Variants in UPF3B observed in about 807,000 individuals in gnomAD.
UPF3B encodes UPF3B regulator of nonsense mediated mRNA decay, also known as regulator of nonsense transcripts 3B.
A neutral mutation model predicts 40.3 loss-of-function variants in UPF3B; 7 were observed. That is an observed-to-expected ratio of 0.17 (90% confidence interval 0.10 to 0.33). The LOEUF (loss-of-function observed/expected upper bound fraction) is 0.33. UPF3B is among the 10% of genes least tolerant of loss of function. The pLI is 1.00. For missense variants in UPF3B, 229 were observed against 358.9 expected (o/e 0.64, Z 2.93); for synonymous variants, 117 against 117.3 (o/e 1.00, Z 0.01).
Position 119,834,460 on chromosome X carries a change from T to G in UPF3B, c.*418A>C. The G allele has an allele frequency of 8.3e-6, 7 of 840,420 alleles. No individual in the cohort carries two copies. Among genetic ancestry groups the G allele is most frequent in the Non-Finnish European group, 1.0e-5 (7 of 694,228 alleles). 69.3% of individuals were successfully genotyped at this position (840,420 alleles called of 1,213,427 possible). A position where few individuals can be genotyped will look rare whatever the true frequency, so the allele number is the denominator to read the frequency against. ...CTTATCATCAACAATACAATAGAAT[T>G]AGATCGGAACAAGGCTTCAAAGCGA... On this transcript the variant is annotated 3_prime_UTR_variant, in exon 11 of 11. Transcript: ENST00000276201.
At chrX:119,824,281 A>G (rs910166358) in intron 3 of UPF3B, among the ~76,000 whole-genome samples, 6 of 98,040 alleles carry the variant, frequency 6.1e-5, no homozygotes, top group African/African-American at 2.3e-4. Context: ...GCCTCTTGCC[A>G]ATATTGAACC....
intron 5 of UPF3B, among the ~76,000 whole-genome samples, chrX:119,808,267 G>A (rs978861778): frequency 9.0e-6 from 1 of 111,320 alleles, no homozygotes; most frequent in African/African-American, 3.3e-5. Context: ...GAGGAAGGGA[G>A]CAAACTAGAA....
downstream of UPF3B, among the ~76,000 whole-genome samples, chrX:119,829,425 A>G (rs1291837281): frequency 8.0e-5 from 9 of 112,019 alleles, no homozygotes; most frequent in Non-Finnish European, 1.7e-4. Context: ...ACTTCTCTAA[A>G]AAGTTGTATA....
In UPF3B at chrX:119,838,402, A is replaced by G; in HGVS notation, c.972T>C (p.Arg324=). 1 of 1,211,974 alleles carries G rather than the reference A, an allele frequency of 8.3e-7. No individual in the cohort carries two copies. ...TTTCATCTTTAAGTTCGCTATCAGAACGCTTGGGCAATGTACAACTTTGCC... is the reference window on the plus strand; with the variant it reads ...TTTCATCTTTAAGTTCGCTATCAGAGCGCTTGGGCAATGTACAACTTTGCC... The part of the protein sequence containing the change: ...ASGQSCTLPK[R]SDSELKDEKP... The change falls in exon 9 of 11, where the codon CGT becomes CGC. Residue 324 remains arginine (R), a synonymous_variant. Transcript: ENST00000276201.
intron 3 of UPF3B, among the ~76,000 whole-genome samples, chrX:119,847,800 A>T (rs1001723571): frequency 9.1e-6 from 1 of 110,477 alleles, no homozygotes; most frequent in African/African-American, 3.3e-5. Context: ...AGAATTACCA[A>T]ATGACTCCAG....
rs760107919 is a variant in UPF3B at position 119,835,185 on chromosome X, T to C, written c.1303-158A>G. On this transcript the variant is annotated intron_variant, in intron 10 of 10. Transcript: ENST00000276201. ...TAAATGACAACTTGCCTACTTCCTC[T>C]CTCCATCTCCAAAGAAAAGCAACCA... 2.5e-4 allele frequency among the ~76,000 whole-genome samples: 28 copies of C among 112,206 alleles called. No homozygotes were observed. In the South Asian group the frequency reaches 9.2e-3, roughly 37 times the overall value.
rs2056064947 is a variant in UPF3B, at chrX:119,834,063, A to C, written c.*815T>G. ...GTTACTATTTATTGACATCAAAACG[A>C]AACAAGCTGAGACTAAAAGTTGCTA... On this transcript the variant is annotated 3_prime_UTR_variant, in exon 11 of 11. Coordinates refer to ENST00000276201, the MANE Select transcript of UPF3B (RefSeq NM_080632.3). 1 of 753,189 alleles carries C rather than the reference A, an allele frequency of 1.3e-6. No homozygotes were observed. The highest frequency in any genetic ancestry group is 8.8e-5 in the Admixed American group (1 of 11,352). 62.1% of individuals were successfully genotyped at this position (753,189 alleles called of 1,213,427 possible).
downstream of UPF3B, among the ~76,000 whole-genome samples, chrX:119,829,090 C>T (rs756379014): frequency 4.5e-5 from 5 of 111,549 alleles, no homozygotes; most frequent in Admixed American, 9.6e-5. Context: ...GGCACAATCT[C>T]GGCTTACTGC....
chrX:119,846,510 A>T (rs867891937), intron 3 of UPF3B, among the ~76,000 whole-genome samples: 2,807 of 106,021 alleles, frequency 0.026, 83 homozygotes, highest in African/African-American at 0.088. Context: ...CCTGGTAAAA[A>T]AAAAAAAAAA....
chrX:119,805,616 A>G (rs2055783911), intron 6 of UPF3B, among the ~76,000 whole-genome samples: 1 of 111,101 alleles, frequency 9.0e-6, no homozygotes. Flanking sequence ...TCCAGAATCT[A>G]CAATGACCTC....
rs1030159198 is a variant in UPF3B at position 119,807,532 on chromosome X, C to T, written c.653G>A (p.Arg218Gln). 9 of 858,598 alleles carry T rather than the reference C, an allele frequency of 1.0e-5. No homozygotes were observed. In the African/African-American group the frequency reaches 1.9e-4, roughly 18 times the overall value. 70.8% of individuals were successfully genotyped at this position (858,598 alleles called of 1,213,427 possible). A position where few individuals can be genotyped will look rare whatever the true frequency, so the allele number is the denominator to read the frequency against. Residue 218 changes from arginine to glutamine, a missense_variant, in exon 6 of 7, where the codon CGA (arginine) becomes CAA (glutamine). Arg to Gln is a conservative substitution (Grantham distance 43). Transcript: ENST00000636792. ...GGTGCTGCCATCTTGCCACCAGAAT[C>T]GACCTGGGCTTCGAGCTCCTGGATG...
rs925632015 is a variant in UPF3B at position 119,817,788 on chromosome X, C to A, written c.495-2481G>T. Among the ~76,000 whole-genome samples the A allele has an allele frequency of 4.9e-4, 55 of 111,667 alleles. 1 individual carries two copies. The highest frequency in any genetic ancestry group is 1.8e-3 in the African/African-American group (55 of 30,805). On this transcript the variant is annotated intron_variant, in intron 4 of 6. Transcript: ENST00000636792. ...GATTCTGCTAAAATTGAAGGAAGAACAAACATAAAATTTAAGATGAAGCTT... is the reference window on the plus strand; with the variant it reads ...GATTCTGCTAAAATTGAAGGAAGAAAAAACATAAAATTTAAGATGAAGCTT...
chrX:119,822,100 C>T (rs934212280), intron 4 of UPF3B, among the ~76,000 whole-genome samples: 1 of 112,090 alleles, frequency 8.9e-6, no homozygotes, highest in African/African-American at 3.2e-5. Context: ...AAATATTCTT[C>T]ATGCTAAGCT....
Position 119,838,527 on chromosome X carries a change from G to A in UPF3B, c.847C>T (p.Leu283=). The A allele has an allele frequency of 8.3e-7, 1 of 1,208,631 alleles. No individual in the cohort carries two copies. Among genetic ancestry groups the A allele is most frequent in the Non-Finnish European group, 1.1e-6 (1 of 893,824 alleles). The change falls in exon 9 of 11, where the codon CTG becomes TTG. Residue 283 remains leucine (L), a splice_region_variant and synonymous_variant. Transcript: ENST00000276201. ...FLLQAVNQKN[L]LKKPEKGDEK... Reference sequence around the variant, plus strand: ...TCTCCTTTTTCTGGCTTCTTGAGCAGCTTTAAAGATAAAATGTTTATTTTT... The same window carrying A: ...TCTCCTTTTTCTGGCTTCTTGAGCAACTTTAAAGATAAAATGTTTATTTTT...
intron 1 of UPF3B, 99 bp downstream of exon 1, chrX:119,852,674 G>A: frequency 8.8e-7 from 1 of 1,135,679 alleles, no homozygotes; most frequent in Non-Finnish European, 1.2e-6. Flanking sequence ...GAGATAGAAG[G>A]AGAACCTGAG....
At chrX:119,816,347 C>T (rs1037641385) in intron 4 of UPF3B, among the ~76,000 whole-genome samples, 2 of 111,408 alleles carry the variant, frequency 1.8e-5, no homozygotes, top group Non-Finnish European at 3.8e-5. Context: ...TGTGCTACCG[C>T]GACCCTTCTG....
chrX:119,826,038 A>G lies in UPF3B; in HGVS notation c.393-2995T>C, dbSNP rs1407315056. 3.6e-5 allele frequency among the ~76,000 whole-genome samples: 4 copies of G among 111,558 alleles called. No individual in the cohort carries two copies. In the East Asian group the frequency reaches 1.1e-3, roughly 31 times the overall value. On this transcript the variant is annotated intron_variant, in intron 3 of 6. Transcript: ENST00000636792. ...TAGCCATTCATGGTGGCGCACGCCT[A>G]TAGTCCCAGCTACTCGGGAGGCTGA...
At chrX:119,835,930 T>C (rs1465266703) in intron 10 of UPF3B, among the ~76,000 whole-genome samples, 1 of 111,235 alleles carries the variant, frequency 9.0e-6, no homozygotes, top group Non-Finnish European at 1.9e-5. Flanking sequence ...TGAGCTGAGA[T>C]TGTACCACGG....
intron 6 of UPF3B, among the ~76,000 whole-genome samples, chrX:119,805,942 A>G (rs2055787176): frequency 1.4e-5 from 1 of 73,669 alleles, no homozygotes; most frequent in South Asian, 8.5e-4. Flanking sequence ...TCAGGGATCT[A>G]GAACTAGAAA....
Sources: allele counts gnomAD v4.1 joint callset (sites outside exome capture counted in the v4.1 genomes callset), GRCh38; gene constraint gnomAD v4.1.1; transcripts MANE v1.5; gene names NCBI Gene and HGNC (gene_info 2026-07-23, HGNC 2026-07-21).